The following CDKAL1 variants were observed in gnomAD, a reference collection of about 807,000 sequenced individuals.
CDKAL1 encodes the protein threonylcarbamoyladenosine tRNA methylthiotransferase.
Under a neutral mutation model 68.2 loss-of-function variants are expected in CDKAL1, and 32 were observed. That is an observed-to-expected ratio of 0.47 (90% CI 0.35 to 0.63). CDKAL1 has a LOEUF of 0.63. CDKAL1 is among the 30% of genes least tolerant of loss of function. The pLI is 0.00. For missense variants in CDKAL1, 606 were observed against 696.7 expected (o/e 0.87, Z 1.47); for synonymous variants, 234 against 244.3 (o/e 0.96, Z 0.39).
At chr6:20,965,497 A>G (rs768840210) in intron 10 of CDKAL1, among the ~76,000 whole-genome samples, 26 of 152,132 alleles carry the variant, frequency 1.7e-4, no homozygotes, top group Non-Finnish European at 3.4e-4. Context: ...CTCTCTATGT[A>G]TATTTTTTGA....
At chr6:20,714,901 T>G (rs947383439) in intron 5 of CDKAL1, among the ~76,000 whole-genome samples, 19 of 152,162 alleles carry the variant, frequency 1.2e-4, no homozygotes, top group African/African-American at 3.9e-4. Flanking sequence ...TGTTAAACTG[T>G]TTTTATTTTG....
chr6:20,818,269 A>G (rs1777131311), intron 8 of CDKAL1, among the ~76,000 whole-genome samples: 1 of 152,162 alleles, frequency 6.6e-6, no homozygotes, highest in African/African-American at 2.4e-5. Context: ...ATTGAATTCT[A>G]TAAACTGTTC....
intron 10 of CDKAL1, among the ~76,000 whole-genome samples, 177 bp from the exon 11 acceptor site, chr6:21,000,050 T>A (rs1049031486): frequency 6.6e-6 from 1 of 152,242 alleles, no homozygotes; most frequent in Non-Finnish European, 1.5e-5. Flanking sequence ...GAAAGTGATA[T>A]TGAATTCCCA....
At chr6:20,791,304 TTA>T (rs1445105386) in intron 8 of CDKAL1, among the ~76,000 whole-genome samples, 21 of 152,348 alleles carry the variant, frequency 1.4e-4, no homozygotes, top group African/African-American at 5.1e-4. Context: ...ATATATAGTA[TTA>T]TTAACTTTAT....
Position 21,003,138 on chromosome 6 carries a change from G to A in CDKAL1, c.1055+2766G>A, listed in dbSNP as rs575914877. 3.3e-5 allele frequency among the ~76,000 whole-genome samples: 5 copies of A among 151,612 alleles called. No homozygotes were observed. In the South Asian group the frequency reaches 6.2e-4, roughly 19 times the overall value. ...CAGCTTTGCCATTTAGCGAAAAAGA[G>A]TTTTCCTGTCCTCTTGGGGAAGTCC... On this transcript the variant is annotated intron_variant, in intron 11 of 15. Coordinates refer to ENST00000274695, the MANE Select transcript of CDKAL1 (RefSeq NM_017774.3).
At chr6:20,641,286 A>G (rs1447958199) in intron 4 of CDKAL1, among the ~76,000 whole-genome samples, 2 of 152,204 alleles carry the variant, frequency 1.3e-5, no homozygotes, top group East Asian at 1.9e-4. Flanking sequence ...AAAAGCGTTG[A>G]TAAGTTTTTT....
intron 13 of CDKAL1, among the ~76,000 whole-genome samples, chr6:21,128,989 C>A (rs2151018273): frequency 6.6e-6 from 1 of 152,288 alleles, no homozygotes; most frequent in South Asian, 2.1e-4. Context: ...CACTGTGCAA[C>A]ACTGGTAATT....
chr6:20,641,795 A>G (rs931508684), intron 4 of CDKAL1, among the ~76,000 whole-genome samples: 12 of 152,272 alleles, frequency 7.9e-5, no homozygotes, highest in South Asian at 2.1e-4. Flanking sequence ...ATAATCTTCA[A>G]TGAGAATTAC....
intron 11 of CDKAL1, among the ~76,000 whole-genome samples, chr6:21,052,247 G>A (rs867313753): frequency 1.7e-4 from 26 of 152,172 alleles, no homozygotes; most frequent in Middle Eastern, 6.8e-3. Flanking sequence ...GTTTTACTTG[G>A]GAAATAGATC....
At chr6:20,789,753 C>T (rs551558128) in intron 8 of CDKAL1, among the ~76,000 whole-genome samples, 3 of 152,220 alleles carry the variant, frequency 2.0e-5, no homozygotes, top group East Asian at 3.9e-4. Context: ...TCTTAGTTTA[C>T]AGTTAATTGG....
intron 4 of CDKAL1, among the ~76,000 whole-genome samples, chr6:20,595,185 T>C (rs1458508352): frequency 6.6e-6 from 1 of 152,184 alleles, no homozygotes; most frequent in South Asian, 2.1e-4. Context: ...CTTTGTGGTG[T>C]TCTCTGTATT....
intron 5 of CDKAL1, among the ~76,000 whole-genome samples, chr6:20,702,835 G>T (rs1771429916): frequency 6.6e-6 from 1 of 152,120 alleles, no homozygotes; most frequent in Non-Finnish European, 1.5e-5. Flanking sequence ...TGTGGGGGTG[G>T]AGCCCTAGCC....
intron 13 of CDKAL1, among the ~76,000 whole-genome samples, chr6:21,151,625 T>TAG (rs879773944): frequency 2.6e-5 from 4 of 152,340 alleles, no homozygotes; most frequent in Admixed American, 6.5e-5. Context: ...TAGACTTTAA[T>TAG]AGAAAAATAA....
chr6:20,872,756 T>G (rs756315341), intron 9 of CDKAL1, among the ~76,000 whole-genome samples: 6 of 152,188 alleles, frequency 3.9e-5, no homozygotes, highest in Non-Finnish European at 8.8e-5. Flanking sequence ...GGGAAGACAT[T>G]GGAGACGAAA....
chr6:21,119,249 G>A (rs1266165028), intron 13 of CDKAL1, among the ~76,000 whole-genome samples: 2 of 152,084 alleles, frequency 1.3e-5, no homozygotes, highest in Non-Finnish European at 2.9e-5. Context: ...GTTGTCATAA[G>A]GATTCAATGG....
intron 9 of CDKAL1, among the ~76,000 whole-genome samples, chr6:20,894,220 A>T (rs1761556800): frequency 6.6e-6 from 1 of 152,132 alleles, no homozygotes; most frequent in Non-Finnish European, 1.5e-5. Flanking sequence ...TTCTTTAAAA[A>T]ATTACCTTAA....
intron 13 of CDKAL1, among the ~76,000 whole-genome samples, chr6:21,145,531 T>C (rs1776123438): frequency 6.6e-6 from 1 of 152,202 alleles, no homozygotes; most frequent in South Asian, 2.1e-4. Flanking sequence ...TCCTAATTCC[T>C]AGCTGCTTTT....
intron 9 of CDKAL1, among the ~76,000 whole-genome samples, chr6:20,905,894 G>A (rs1283274835): frequency 6.6e-6 from 1 of 152,152 alleles, no homozygotes; most frequent in African/African-American, 2.4e-5. Context: ...GACATTCTCG[G>A]TAAACAAAAG....
At chr6:21,116,809 A>G (rs6927498) in intron 13 of CDKAL1, among the ~76,000 whole-genome samples, 39,029 of 152,066 alleles carry the variant, frequency 0.26, 5,113 homozygotes, top group South Asian at 0.37. Context: ...TATGGCAGTT[A>G]CTGTATTTTC....
Sources: allele counts gnomAD v4.1 joint callset (sites outside exome capture counted in the v4.1 genomes callset), GRCh38; gene constraint gnomAD v4.1.1; transcripts MANE v1.5; gene names NCBI Gene and HGNC (gene_info 2026-07-23, HGNC 2026-07-21).